The following COL4A4 variants were observed in gnomAD, a reference collection of about 807,000 sequenced individuals.
COL4A4 encodes collagen alpha-4(IV) chain.
In COL4A4, 105 loss-of-function variants were observed where a neutral mutation model predicts 192.9. The ratio of observed to expected loss-of-function variants is 0.54; its 90% CI spans 0.46 to 0.64. The LOEUF is 0.64. Ranked by LOEUF, COL4A4 falls within the 30% of genes least tolerant of loss-of-function variation. The pLI is 0.00. For missense variants in COL4A4, 1,967 were observed against 2,169.3 expected (o/e 0.91, Z 1.85); for synonymous variants, 762 against 769.9 (o/e 0.99, Z 0.17).
At chr2:227,126,744 C>T (rs1310272106) in intron 4 of COL4A4, among the ~76,000 whole-genome samples, 4 of 152,166 alleles carry the variant, frequency 2.6e-5, no homozygotes, top group Non-Finnish European at 5.9e-5. Context: ...AAACACCAAT[C>T]TTTGAAATAG....
chr2:227,128,841 A>G (rs912382065), intron 4 of COL4A4, among the ~76,000 whole-genome samples: 3 of 152,090 alleles, frequency 2.0e-5, no homozygotes, highest in Non-Finnish European at 4.4e-5. Flanking sequence ...AATCTTCTTC[A>G]GTCACCCCTT....
At chr2:227,156,734 A>G (rs955449216) in intron 1 of COL4A4, among the ~76,000 whole-genome samples, 2 of 152,178 alleles carry the variant, frequency 1.3e-5, no homozygotes, top group Non-Finnish European at 2.9e-5. Flanking sequence ...CATAAAAAAG[A>G]CTTCAGGATA....
At chr2:227,118,033 G>A (rs951689521) in intron 7 of COL4A4, among the ~76,000 whole-genome samples, 3 of 152,210 alleles carry the variant, frequency 2.0e-5, no homozygotes, top group Non-Finnish European at 2.9e-5. Context: ...TTGCTGCCAA[G>A]CAGGAAAGCA....
the COL4A4 span, among the ~76,000 whole-genome samples, chr2:226,987,769 C>T: frequency 6.6e-6 from 1 of 152,190 alleles, no homozygotes; most frequent in Non-Finnish European, 1.5e-5. Flanking sequence ...TTCTCAGTGA[C>T]TTGATATATT....
Position 227,062,606 on chromosome 2 carries a change from GAGAAA to G in COL4A4, c.1988-13_1988-9del, listed in dbSNP as rs1977413136. On this transcript the variant is annotated splice_polypyrimidine_tract_variant and intron_variant, in intron 25 of 47. Coordinates refer to ENST00000396625, the MANE Select transcript of COL4A4 (RefSeq NM_000092.5). ...TGCAAGAAATTGTGTCACCTGCAAT[GAGAAA>G]AGAAAAGCGGCATTCACATAACTGA... 1.9e-6 allele frequency: 3 copies of G among 1,609,118 alleles called. No homozygotes were observed. The African/African-American group carries it at 4.0e-5, about 21-fold the overall frequency.
Position 227,010,307 on chromosome 2 carries a change from C to T in COL4A4, c.4522+6G>A, listed in dbSNP as rs750801409. ...GCAATGGAGATGGGCGATCCTGTAT[C>T]CATACCAAGGTCTTGATTGTGAGCT... On this transcript the variant is annotated splice_donor_region_variant and intron_variant, in intron 46 of 47. Transcript: ENST00000396625. The T allele has an allele frequency of 3.0e-5, 48 of 1,614,084 alleles. No homozygotes were observed. The East Asian group carries it at 1.0e-3, about 34-fold the overall frequency.
intron 25 of COL4A4, among the ~76,000 whole-genome samples, chr2:227,063,449 C>T (rs924683834): frequency 6.6e-6 from 1 of 151,918 alleles, no homozygotes; most frequent in Admixed American, 6.6e-5. Flanking sequence ...GAATTTATAC[C>T]TTATCAAATA....
rs1367543518 is a variant in COL4A4 at position 227,004,501 on chromosome 2, A to G, written c.*2824T>C. On this transcript the variant is annotated 3_prime_UTR_variant, in exon 48 of 48. Transcript: ENST00000396625. Reference sequence around the variant, plus strand: ...CGGAGTCACAGAAGGATTCTAATCCAGAGGGTGACAAAATCAAGTTTGGGT... The same window carrying G: ...CGGAGTCACAGAAGGATTCTAATCCGGAGGGTGACAAAATCAAGTTTGGGT... 6.6e-6 allele frequency: 1 copy of G among 152,264 alleles called. No homozygotes were observed. The highest frequency in any genetic ancestry group is 1.5e-5 in the Non-Finnish European group (1 of 68,068). The allele number at this position is 152,264 out of a possible 1,614,324, so 9.4% of individuals were successfully genotyped here. A position where few individuals can be genotyped will look rare whatever the true frequency, so the allele number is the denominator to read the frequency against.
In COL4A4 at chr2:227,012,809, G is replaced by C. The variant is rs554969786; in HGVS notation, c.4217-512C>G. ...CAATTTTTTAAAATAGCTTTTTACT[G>C]AGTGTTTACAATGTGCTAGGTACCA... On this transcript the variant is annotated intron_variant, in intron 44 of 47. Transcript: ENST00000396625. Among the ~76,000 whole-genome samples the C allele has an allele frequency of 2.6e-5, 4 of 152,280 alleles. No individual in the cohort carries two copies. In the South Asian group the frequency reaches 8.3e-4, roughly 32 times the overall value.
At position 227,010,297 on chromosome 2, in the gene COL4A4, G is replaced by A. The variant is rs762089028; in HGVS notation, c.4522+16C>T. 17 of 1,613,932 alleles carry A rather than the reference G, an allele frequency of 1.1e-5. No homozygotes were observed. The highest frequency in any genetic ancestry group is 1.6e-4 in the Middle Eastern group (1 of 6,084). On this transcript the variant is annotated intron_variant, in intron 46 of 47. Coordinates refer to ENST00000396625, the MANE Select transcript of COL4A4 (RefSeq NM_000092.5). Reference sequence around the variant, plus strand: ...TACTCTTCAGGCAATGGAGATGGGCGATCCTGTATCCATACCAAGGTCTTG... The same window carrying A: ...TACTCTTCAGGCAATGGAGATGGGCAATCCTGTATCCATACCAAGGTCTTG...
At chr2:226,982,455 A>T in the COL4A4 span, among the ~76,000 whole-genome samples, 1 of 152,258 alleles carries the variant, frequency 6.6e-6, no homozygotes. Flanking sequence ...GTAGTTAAAA[A>T]GTAAAGATAA....
intron 25 of COL4A4, among the ~76,000 whole-genome samples, 183 bp downstream of exon 25, chr2:227,077,708 AAAG>A (rs1174621571): frequency 4.1e-4 from 63 of 151,980 alleles, no homozygotes; most frequent in Admixed American, 3.5e-3. Flanking sequence ...AGAAAAAAAA[AAAG>A]AAGGAGGAGG....
chr2:227,024,587 T>C (rs1041149906), intron 43 of COL4A4, among the ~76,000 whole-genome samples: 6 of 152,250 alleles, frequency 3.9e-5, no homozygotes, highest in Non-Finnish European at 7.3e-5. Flanking sequence ...ACATCAATCA[T>C]AAAGCACTAA....
intron 35 of COL4A4, among the ~76,000 whole-genome samples, chr2:227,043,572 A>C (rs1000407347): frequency 1.3e-5 from 2 of 152,218 alleles, no homozygotes; most frequent in Admixed American, 6.5e-5. Flanking sequence ...TGGCCATTTA[A>C]GTTATCTCTA....
intron 7 of COL4A4, among the ~76,000 whole-genome samples, chr2:227,116,889 A>G (rs2061518702): frequency 6.6e-6 from 1 of 152,242 alleles, no homozygotes; most frequent in African/African-American, 2.4e-5. Context: ...TTCCTTTAGT[A>G]TCACAAGTTA....
chr2:227,150,933 TC>T (rs1384991865), intron 1 of COL4A4, among the ~76,000 whole-genome samples: 17 of 152,076 alleles, frequency 1.1e-4, no homozygotes, highest in African/African-American at 4.1e-4. Context: ...CTTAAAACTT[TC>T]ATCTTCTCTT....
intron 25 of COL4A4, among the ~76,000 whole-genome samples, chr2:227,064,161 A>T (rs2058149396): frequency 6.6e-6 from 1 of 152,172 alleles, no homozygotes; most frequent in Non-Finnish European, 1.5e-5. Context: ...TCATAAATAA[A>T]TTTAAAAAGC....
At chr2:227,116,110 C>A (rs1281276874) in intron 7 of COL4A4, among the ~76,000 whole-genome samples, 1 of 152,146 alleles carries the variant, frequency 6.6e-6, no homozygotes, top group Non-Finnish European at 1.5e-5. Context: ...AAATCCATCT[C>A]CTGGACTGAC....
At chr2:227,097,497 T>G (rs970839737) in intron 19 of COL4A4, among the ~76,000 whole-genome samples, 1 of 152,230 alleles carries the variant, frequency 6.6e-6, no homozygotes, top group Non-Finnish European at 1.5e-5. Context: ...GTTAATTTAT[T>G]TTTTAAAACC....
Sources: allele counts gnomAD v4.1 joint callset (sites outside exome capture counted in the v4.1 genomes callset), GRCh38; gene constraint gnomAD v4.1.1; transcripts MANE v1.5; gene names NCBI Gene and HGNC (gene_info 2026-07-23, HGNC 2026-07-21).